The following SV2B variants were observed in gnomAD, a reference collection of about 807,000 sequenced individuals.
The protein encoded by SV2B is synaptic vesicle glycoprotein 2B, also known as solute carrier family 22 member B2.
Under a neutral mutation model 73.9 loss-of-function variants are expected in SV2B, and 41 were observed. The observed-to-expected ratio is 0.56, with a 90% CI of 0.43 to 0.72. The LOEUF (loss-of-function observed/expected upper bound fraction) is 0.72. Among genes scored for constraint, SV2B ranks in the 30% least tolerant of loss-of-function variants. SV2B has a pLI of 0.00. For synonymous variants in SV2B, 314 were observed against 314.2 expected (o/e 1.00, Z 0.01); for missense variants, 764 against 857.8 (o/e 0.89, Z 1.37).
chr15:91,251,778 T>G, intron 2 of SV2B, 41 bp from the exon 3 acceptor site: 3 of 1,584,908 alleles, frequency 1.9e-6, no homozygotes, highest in Non-Finnish European at 2.6e-6. Flanking sequence ...TAATCTTTTG[T>G]CTTTTCTCTC....
chr15:91,275,434 T>C (rs2048453147), intron 9 of SV2B, among the ~76,000 whole-genome samples: 1 of 152,222 alleles, frequency 6.6e-6, no homozygotes, highest in Admixed American at 6.5e-5. Flanking sequence ...ATGTGATTGT[T>C]GTCATACATA....
At chr15:91,255,346 T>G (rs2047646860) in intron 4 of SV2B, among the ~76,000 whole-genome samples, 1 of 152,164 alleles carries the variant, frequency 6.6e-6, no homozygotes, top group Non-Finnish European at 1.5e-5. Context: ...ATGAGATGAT[T>G]ATTCTAAATT....
In SV2B at chr15:91,300,330, G is replaced by A. The variant is rs74038452; in HGVS notation, c.*7778G>A. The A allele has an allele frequency of 6.6e-6, 1 of 152,096 alleles. No homozygotes were observed. The highest frequency in any genetic ancestry group is 1.5e-5 in the Non-Finnish European group (1 of 68,016). The allele number at this position is 152,096 out of a possible 1,614,324, so 9.4% of individuals were successfully genotyped here. A position where few individuals can be genotyped will look rare whatever the true frequency, so the allele number is the denominator to read the frequency against. On this transcript the variant is annotated 3_prime_UTR_variant, in exon 13 of 13. Coordinates refer to ENST00000394232, the MANE Select transcript of SV2B (RefSeq NM_001323032.3). ...GTCCCCAACTCTACCAGACCAAAAG[G>A]GTGTCTCTATTTTTTGTTGTTACTT...
At position 91,252,977 on chromosome 15, in the gene SV2B, C is replaced by T. The variant is rs1388071836; in HGVS notation, c.784+457C>T. 2.0e-5 allele frequency among the ~76,000 whole-genome samples: 3 copies of T among 152,156 alleles called. No individual in the cohort carries two copies. Among genetic ancestry groups the T allele is most frequent in the Non-Finnish European group, 2.9e-5 (2 of 68,030 alleles). ...AGTGGGGGCTGGAGTCCTGATGTCC[C>T]CTCAGGTGCAGTAGGCTTGTACTCT... On this transcript the variant is annotated intron_variant, in intron 4 of 12. Transcript: ENST00000394232. This position sits in a 1 kb window ranked among gnomAD's most constrained non-coding sequence, Gnocchi z 4.6.
At chr15:91,186,572 A>G (rs1275762326) in intron 1 of SV2B, among the ~76,000 whole-genome samples, 1 of 152,232 alleles carries the variant, frequency 6.6e-6, no homozygotes, top group Non-Finnish European at 1.5e-5. Context: ...TACATGAACA[A>G]GAATTATTAA....
chr15:91,178,710 T>G (rs1333245255), intron 1 of SV2B, among the ~76,000 whole-genome samples: 1 of 151,256 alleles, frequency 6.6e-6, no homozygotes, highest in East Asian at 1.9e-4. Context: ...CTGGTGGTAG[T>G]TCGTATTTCT....
chr15:91,136,659 A>G lies in SV2B; in HGVS notation c.-392+36296A>G, dbSNP rs1460343052. Among the ~76,000 whole-genome samples, 2 of 152,176 alleles carry G rather than the reference A, an allele frequency of 1.3e-5. No homozygotes were observed. The highest frequency in any genetic ancestry group is 4.8e-5 in the African/African-American group (2 of 41,440). The stretch of plus-strand genomic sequence containing the variant: ...GAGCAAGGAAGCTCTAGGTTCCCGT[A>G]AGGCAGACTGCCTTTTTAGTTGTCA... On this transcript the variant is annotated intron_variant, in intron 1 of 12. Coordinates refer to ENST00000394232, the MANE Select transcript of SV2B (RefSeq NM_001323032.3). The surrounding 1 kb of genome is among the most constrained non-coding windows in gnomAD (Gnocchi z 5.6).
intron 1 of SV2B, among the ~76,000 whole-genome samples, chr15:91,117,207 G>T (rs1196838687): frequency 6.6e-6 from 1 of 152,168 alleles, no homozygotes; most frequent in Non-Finnish European, 1.5e-5. Flanking sequence ...TGCTGGGATT[G>T]AAGCTTGTCT....
chr15:91,237,584 C>T (rs1251247126), intron 2 of SV2B, among the ~76,000 whole-genome samples: 3 of 152,166 alleles, frequency 2.0e-5, no homozygotes, highest in African/African-American at 7.2e-5. Flanking sequence ...TTAATAGCTC[C>T]ATAGTGACAC....
At position 91,295,455 on chromosome 15, in the gene SV2B, G is replaced by A. The variant is rs545707787; in HGVS notation, c.*2903G>A. 6.6e-6 allele frequency: 1 copy of A among 152,272 alleles called. No homozygotes were observed. The highest frequency in any genetic ancestry group is 2.1e-4 in the South Asian group (1 of 4,826). 9.4% of individuals were successfully genotyped at this position (152,272 alleles called of 1,614,324 possible). ...TTAGAGATTATTTTCAGGCACTAAG[G>A]TCTCTTCTGTATTCCAAAATTGATT... On this transcript the variant is annotated 3_prime_UTR_variant, in exon 13 of 13. Coordinates refer to ENST00000394232, the MANE Select transcript of SV2B (RefSeq NM_001323032.3).
chr15:91,106,539 C>G lies in SV2B; in HGVS notation c.-392+6176C>G, dbSNP rs758906788. 3.3e-5 allele frequency among the ~76,000 whole-genome samples: 5 copies of G among 152,098 alleles called. No homozygotes were observed. Among genetic ancestry groups the G allele is most frequent in the Non-Finnish European group, 5.9e-5 (4 of 68,026 alleles). ...TTTCTTTACAAGGTCTCATGGGAGC[C>G]TTATTGTGGATCTTATGCACTAAAA... On this transcript the variant is annotated intron_variant, in intron 1 of 12. Coordinates refer to ENST00000394232, the MANE Select transcript of SV2B (RefSeq NM_001323032.3). This position sits in a 1 kb window ranked among gnomAD's most constrained non-coding sequence, Gnocchi z 4.4.
In SV2B at chr15:91,268,306, T is replaced by C; in HGVS notation, c.1209-135T>C. The C allele has an allele frequency of 1.1e-6, 1 of 881,958 alleles. No homozygotes were observed. The allele number at this position is 881,958 out of a possible 1,614,324, so 54.6% of individuals were successfully genotyped here. A position where few individuals can be genotyped will look rare whatever the true frequency, so the allele number is the denominator to read the frequency against. The stretch of plus-strand genomic sequence containing the variant: ...TATTTATTAATATGAGGATTTATAT[T>C]GTCAGATTTTCTAATAATGAACCAA... On this transcript the variant is annotated intron_variant, in intron 8 of 12. Coordinates refer to ENST00000394232, the MANE Select transcript of SV2B (RefSeq NM_001323032.3). This position sits in a 1 kb window ranked among gnomAD's most constrained non-coding sequence, Gnocchi z 4.4.
At chr15:91,264,639 G>A (rs1427035045) in intron 6 of SV2B, among the ~76,000 whole-genome samples, 1 of 152,140 alleles carries the variant, frequency 6.6e-6, no homozygotes, top group Non-Finnish European at 1.5e-5. Context: ...CCGTTGAGTG[G>A]CCTCCCATTT....
rs1405206785 is a variant in SV2B, at chr15:91,178,206, G to A, written c.-391-47667G>A. ...TGCTGGATTACATTTATTGATTTGT[G>A]TATGTTGAACCAGCCTTGCATCCCA... On this transcript the variant is annotated intron_variant, in intron 1 of 12. Coordinates refer to ENST00000394232, the MANE Select transcript of SV2B (RefSeq NM_001323032.3). Among the ~76,000 whole-genome samples, 18 of 151,810 alleles carry A rather than the reference G, an allele frequency of 1.2e-4. No individual in the cohort carries two copies. In the East Asian group the frequency reaches 3.3e-3, roughly 28 times the overall value.
rs182571567 is a variant in SV2B at position 91,220,658 on chromosome 15, G to C, written c.-391-5215G>C. ...GTAAAAGTTAAAGGAGGATGCTTAA[G>C]AGGTTAGCAGCATGGGAGGTAGTTG... On this transcript the variant is annotated intron_variant, in intron 1 of 12. Coordinates refer to ENST00000394232, the MANE Select transcript of SV2B (RefSeq NM_001323032.3). This position sits in a 1 kb window ranked among gnomAD's most constrained non-coding sequence, Gnocchi z 4.1. Among the ~76,000 whole-genome samples, 43 of 152,330 alleles carry C rather than the reference G, an allele frequency of 2.8e-4. No homozygotes were observed. The highest frequency in any genetic ancestry group is 9.9e-4 in the African/African-American group (41 of 41,576).
intron 1 of SV2B, among the ~76,000 whole-genome samples, chr15:91,206,623 G>A (rs931332043): frequency 6.6e-6 from 1 of 152,188 alleles, no homozygotes; most frequent in African/African-American, 2.4e-5. Flanking sequence ...CTGCTTGGAA[G>A]CTAATAGTCA....
intron 1 of SV2B, among the ~76,000 whole-genome samples, chr15:91,170,634 T>C (rs944196720): frequency 2.6e-5 from 4 of 152,188 alleles, no homozygotes; most frequent in African/African-American, 4.8e-5. Context: ...ACAAACTTGG[T>C]TTAAAAATAC....
intron 1 of SV2B, among the ~76,000 whole-genome samples, chr15:91,153,543 A>T (rs2043382378): frequency 1.3e-5 from 2 of 152,122 alleles, no homozygotes; most frequent in African/African-American, 4.8e-5. Flanking sequence ...AGGATTTAAT[A>T]AGCTGATTCA....
At chr15:91,235,137 A>G (rs2046729572) in intron 2 of SV2B, among the ~76,000 whole-genome samples, 1 of 152,190 alleles carries the variant, frequency 6.6e-6, no homozygotes, top group Non-Finnish European at 1.5e-5. Flanking sequence ...GAACCCATAG[A>G]ATGTTATTGG....
Sources: gnomAD v4.1 joint callset for allele counts (sites outside exome capture counted in the v4.1 genomes callset) on GRCh38, gnomAD v4.1.1 for gene constraint, Gnocchi (gnomAD v3.1) non-coding constraint, MANE v1.5 for transcripts, NCBI Gene and HGNC (gene_info 2026-07-23, HGNC 2026-07-21) for gene names.